BTC: variants seen among roughly 807,000 people sequenced by gnomAD.
The protein encoded by BTC is betacellulin.
Under a neutral mutation model 18.1 loss-of-function variants are expected in BTC, and 13 were observed. The observed-to-expected ratio is 0.72, with a 90% CI of 0.47 to 1.14. The LOEUF (loss-of-function observed/expected upper bound fraction) is 1.14. Among genes scored for constraint, BTC ranks in the 50% most tolerant of loss-of-function variants. The pLI is 0.00. For missense variants in BTC, 247 were observed against 224.2 expected, an observed-to-expected ratio of 1.10 and a Z score of -0.65; for synonymous variants, 83 against 79.4, an observed-to-expected ratio of 1.05 and a Z score of -0.24.
At chr4:74,786,925 A>G in intron 1 of BTC, among the ~76,000 whole-genome samples, 1 of 151,972 alleles carries the variant, frequency 6.6e-6, no homozygotes, top group East Asian at 1.9e-4. Flanking sequence ...CTTCTACCAC[A>G]TCCCTGAATC....
In BTC at chr4:74,746,233, G is replaced by C. The variant is rs1724284022; in HGVS notation, c.*444C>G. ...TCTTTGGCCCTGTTTCCATATGTAGGAAATGAGGATTATAATAGCTATCTC... is the reference window on the plus strand; with the variant it reads ...TCTTTGGCCCTGTTTCCATATGTAGCAAATGAGGATTATAATAGCTATCTC... On this transcript the variant is annotated 3_prime_UTR_variant, in exon 6 of 6. Coordinates refer to ENST00000395743, the MANE Select transcript of BTC (RefSeq NM_001729.4). 6.6e-6 allele frequency: 1 copy of C among 152,172 alleles called. No homozygotes were observed. Among genetic ancestry groups the C allele is most frequent in the Admixed American group, 6.5e-5 (1 of 15,280 alleles). 9.4% of individuals were successfully genotyped at this position (152,172 alleles called of 1,614,324 possible).
In BTC at chr4:74,794,242, TGCCCA is replaced by T. The variant is rs774422158; in HGVS notation, c.64+15_64+19del. 3 of 1,550,130 alleles carry T rather than the reference TGCCCA, an allele frequency of 1.9e-6. No homozygotes were observed. In the South Asian group the frequency reaches 3.6e-5, roughly 18 times the overall value. The stretch of plus-strand genomic sequence containing the variant: ...CCCAGACTTTCCTCCTGGTTTCCAG[TGCCCA>T]GCACGGCCACTTACCCAGGGCAAGG... On this transcript the variant is annotated intron_variant, in intron 1 of 5. Coordinates refer to ENST00000395743, the MANE Select transcript of BTC (RefSeq NM_001729.4).
intron 1 of BTC, among the ~76,000 whole-genome samples, chr4:74,791,137 T>C (rs2109924206): frequency 6.6e-6 from 1 of 151,938 alleles, no homozygotes; most frequent in Admixed American, 6.5e-5. Context: ...AGACCAGGAG[T>C]TTAAGACCAG....
chr4:74,782,033 T>C (rs1725345058), intron 1 of BTC, among the ~76,000 whole-genome samples: 1 of 152,190 alleles, frequency 6.6e-6, no homozygotes, highest in Non-Finnish European at 1.5e-5. Context: ...GAGGATTTAT[T>C]GCATGCCAGG....
Position 74,757,455 on chromosome 4 carries a change from A to G in BTC, c.164-1479T>C, listed in dbSNP as rs561280004. Among the ~76,000 whole-genome samples the G allele has an allele frequency of 7.2e-5, 11 of 152,282 alleles. No individual in the cohort carries two copies. The East Asian group carries it at 1.9e-3, about 27-fold the overall frequency. On this transcript the variant is annotated intron_variant, in intron 2 of 5. Coordinates refer to ENST00000395743, the MANE Select transcript of BTC (RefSeq NM_001729.4). ...ATATTTGCTTGATACATGTCAACCA[A>G]TGAGACTCATCAGAAGGACTGAAAT... is the stretch of plus-strand genomic sequence containing the variant.
chr4:74,782,305 T>C (rs1725353328), intron 1 of BTC, among the ~76,000 whole-genome samples: 1 of 152,180 alleles, frequency 6.6e-6, no homozygotes, highest in Admixed American at 6.5e-5. Context: ...CCACTATGTG[T>C]CCATGTGTTC....
chr4:74,748,156 A>C lies in BTC; in HGVS notation c.429-7T>G. 1 of 1,571,936 alleles carries C rather than the reference A, an allele frequency of 6.4e-7. No individual in the cohort carries two copies. Among genetic ancestry groups the C allele is most frequent in the South Asian group, 1.1e-5 (1 of 89,796 alleles). ...ACGACGTTTCCGAAGAGGGCTTGGA[A>C]AATACGTGTTAGAAGTTAGTATGGG... On this transcript the variant is annotated splice_polypyrimidine_tract_variant and splice_region_variant and intron_variant, in intron 4 of 5. Coordinates refer to ENST00000395743, the MANE Select transcript of BTC (RefSeq NM_001729.4).
intron 1 of BTC, among the ~76,000 whole-genome samples, chr4:74,786,626 A>T (rs1024304561): frequency 6.6e-6 from 1 of 152,200 alleles, no homozygotes; most frequent in Non-Finnish European, 1.5e-5. Context: ...TAATCACACA[A>T]GAGAGAAAAT....
At chr4:74,776,378 T>A (rs1456922450) in intron 1 of BTC, among the ~76,000 whole-genome samples, 5 of 152,158 alleles carry the variant, frequency 3.3e-5, no homozygotes, top group Non-Finnish European at 7.4e-5. Context: ...TAATGTTAAC[T>A]GCATTTGCTA....
At chr4:74,776,139 C>CT (rs72097921) in intron 1 of BTC, among the ~76,000 whole-genome samples, 26,555 of 151,718 alleles carry the variant, frequency 0.18, 3,786 homozygotes, top group African/African-American at 0.4. Flanking sequence ...TTTATGGTTT[C>CT]TTTTTTTCAT....
chr4:74,771,788 T>A (rs1725050156), intron 1 of BTC, among the ~76,000 whole-genome samples: 1 of 152,148 alleles, frequency 6.6e-6, no homozygotes, highest in Non-Finnish European at 1.5e-5. Context: ...ACACACACAA[T>A]GTATAAGTCT....
chr4:74,784,672 A>G (rs1577969856), intron 1 of BTC, among the ~76,000 whole-genome samples: 1 of 152,322 alleles, frequency 6.6e-6, no homozygotes, highest in East Asian at 1.9e-4. Flanking sequence ...TTCTGCATCT[A>G]TTGAGATAAT....
At chr4:74,770,297 A>G in intron 1 of BTC, 141 bp from the exon 2 acceptor site, 1 of 634,292 alleles carries the variant, frequency 1.6e-6, no homozygotes, top group Non-Finnish European at 2.7e-6. Flanking sequence ...ACTCCCAGGA[A>G]GGGATACAGA....
intron 2 of BTC, among the ~76,000 whole-genome samples, chr4:74,767,677 A>T (rs1724935823): frequency 6.6e-6 from 1 of 152,128 alleles, no homozygotes; most frequent in African/African-American, 2.4e-5. Flanking sequence ...AATCATCTAC[A>T]GCATGGTACT....
At chr4:74,755,446 CT>C (rs1724572150) in intron 3 of BTC, among the ~76,000 whole-genome samples, 1 of 152,216 alleles carries the variant, frequency 6.6e-6, no homozygotes. Flanking sequence ...CTAATTCCTT[CT>C]ACTTAAGTGA....
chr4:74,775,763 A>T (rs1000981939), intron 1 of BTC, among the ~76,000 whole-genome samples: 7 of 152,200 alleles, frequency 4.6e-5, no homozygotes, highest in African/African-American at 1.7e-4. Flanking sequence ...GCTCCTTGGA[A>T]TCACCTAAAA....
chr4:74,747,979 C>G, intron 5 of BTC, 61 bp downstream of exon 5: 1 of 816,094 alleles, frequency 1.2e-6, no homozygotes, highest in East Asian at 2.8e-5. Flanking sequence ...GCAAGTAAGC[C>G]CAATCTAACC....
intron 1 of BTC, among the ~76,000 whole-genome samples, chr4:74,791,056 A>G (rs1477215625): frequency 2.6e-5 from 4 of 152,214 alleles, no homozygotes; most frequent in Non-Finnish European, 2.9e-5. Context: ...TAGACAGGAC[A>G]TTCTGCACTT....
intron 5 of BTC, among the ~76,000 whole-genome samples, chr4:74,747,565 A>G (rs1269348969): frequency 1.3e-5 from 2 of 152,044 alleles, no homozygotes; most frequent in African/African-American, 4.8e-5. Flanking sequence ...CCTTTTCTTA[A>G]CCTTGATCCA....
Sources: allele counts gnomAD v4.1 joint callset (sites outside exome capture counted in the v4.1 genomes callset), GRCh38; gene constraint gnomAD v4.1.1; transcripts MANE v1.5; gene names NCBI Gene and HGNC (gene_info 2026-07-23, HGNC 2026-07-21).